MCM3AP: variants seen among roughly 807,000 people sequenced by gnomAD.
The protein encoded by MCM3AP is germinal-center associated nuclear protein.
MCM3AP carries 126 observed loss-of-function variants against 184.1 expected under a neutral mutation model. The observed-to-expected ratio is 0.68, with a 90% confidence interval of 0.59 to 0.79. MCM3AP has a LOEUF of 0.79. Among genes scored for constraint, MCM3AP ranks in the 30% least tolerant of loss-of-function variants. The pLI is 0.00. For synonymous variants in MCM3AP, 1,002 were observed against 979.3 expected (o/e 1.02, Z -0.43); for missense variants, 2,496 against 2,479.2 (o/e 1.01, Z -0.14).
At chr21:46,257,702 C>T (rs1012779946) in intron 16 of MCM3AP, among the ~76,000 whole-genome samples, 4 of 151,608 alleles carry the variant, frequency 2.6e-5, no homozygotes, top group East Asian at 1.9e-4. Flanking sequence ...GGGCGGATCA[C>T]GAGGTCAGGA....
chr21:46,272,355 T>C (rs1430846200), intron 8 of MCM3AP, among the ~76,000 whole-genome samples: 1 of 152,190 alleles, frequency 6.6e-6, no homozygotes, highest in Non-Finnish European at 1.5e-5. Flanking sequence ...TCAGATGTGC[T>C]GGTCCCAGGG....
chr21:46,283,504 C>T (rs2081358498), intron 2 of MCM3AP, 111 bp downstream of exon 2: 2 of 677,218 alleles, frequency 3.0e-6, no homozygotes, highest in Non-Finnish European at 2.5e-6. Context: ...TATTTGAGTA[C>T]TTTCTCTATA....
chr21:46,248,606 T>G (rs1482462857), intron 20 of MCM3AP, among the ~76,000 whole-genome samples: 2 of 121,808 alleles, frequency 1.6e-5, no homozygotes, highest in Admixed American at 9.4e-5. Flanking sequence ...TAAACTGGAG[T>G]AACAGAGAGG....
chr21:46,258,909 G>A (rs929512337), intron 16 of MCM3AP, 30 bp downstream of exon 16: 1 of 1,612,606 alleles, frequency 6.2e-7, no homozygotes, highest in Non-Finnish European at 8.5e-7. Flanking sequence ...CCGTGTGTGT[G>A]GATTTTGCCT....
At chr21:46,240,265 G>A (rs1053859409) in intron 26 of MCM3AP, among the ~76,000 whole-genome samples, 78 of 152,168 alleles carry the variant, frequency 5.1e-4, no homozygotes, top group African/African-American at 1.9e-3. Context: ...GAGGATGCTG[G>A]ATGTGGCTGG....
In MCM3AP at chr21:46,285,296, CAATT is replaced by C; in HGVS notation, c.-14_-11del. On this transcript the variant is annotated 5_prime_UTR_variant, in exon 1 of 28. In the 5' UTR this introduces an upstream ATG that the reference lacks. Transcript: ENST00000291688. ...GATTAGTTGGGTTCATCTTCTGCTC[CAATT>C]ATTAGAAGGTAATTAAGTATTATGT... 2 of 1,578,856 alleles carry C rather than the reference CAATT, an allele frequency of 1.3e-6. No homozygotes were observed. The highest frequency in any genetic ancestry group is 1.7e-6 in the Non-Finnish European group (2 of 1,149,872).
chr21:46,256,647 G>T, intron 17 of MCM3AP, 142 bp downstream of exon 17: 1 of 1,036,350 alleles, frequency 9.6e-7, no homozygotes, highest in Non-Finnish European at 1.4e-6. Context: ...CCCTGTGCCT[G>T]TCCTCGCCTC....
At chr21:46,278,830 T>C (rs374484878) in intron 4 of MCM3AP, among the ~76,000 whole-genome samples, 30 of 151,936 alleles carry the variant, frequency 2.0e-4, no homozygotes, top group Admixed American at 8.5e-4. Flanking sequence ...CCTGCCACCA[T>C]GCCCGGCTAA....
chr21:46,252,896 A>G (rs1460760481), intron 19 of MCM3AP: 1 of 152,142 alleles, frequency 6.6e-6, no homozygotes, highest in Non-Finnish European at 1.5e-5. Flanking sequence ...TAATCCCAAA[A>G]CTTTGGTAGA....
chr21:46,265,187 A>G (rs1343062313), intron 12 of MCM3AP, 134 bp downstream of exon 12: 6 of 728,590 alleles, frequency 8.2e-6, no homozygotes, highest in Non-Finnish European at 1.4e-5. Context: ...AGGCTGAGTG[A>G]CTCTAGGCAG....
At position 46,285,004 on chromosome 21, in the gene MCM3AP, C is replaced by A; in HGVS notation, c.283G>T (p.Ala95Ser). The change falls in exon 1 of 28, where the codon GCT (alanine) becomes TCT (serine). Residue 95 changes from alanine (A) to serine (S), a missense_variant. Around this residue, in one of 5 missense-constraint regions of MCM3AP, gnomAD observed 800 missense variants for 717.1 expected, o/e 1.12. Transcript: ENST00000291688. ...GATGAACTTGAAGGCCCAGAGGTAGCCACAAAGGTGGAAGTGTGCTCAAGT... is the reference window on the plus strand; with the variant it reads ...GATGAACTTGAAGGCCCAGAGGTAGACACAAAGGTGGAAGTGTGCTCAAGT... Reference protein sequence around the residue: ...SGLEHTSTFVATSGPSSSSVL... With the variant: ...SGLEHTSTFVSTSGPSSSSVL... The A allele has an allele frequency of 1.2e-6, 2 of 1,614,152 alleles. No homozygotes were observed. The highest frequency in any genetic ancestry group is 1.7e-6 in the Non-Finnish European group (2 of 1,180,016).
chr21:46,265,031 C>A (rs1219986121), intron 12 of MCM3AP, among the ~76,000 whole-genome samples: 1 of 152,264 alleles, frequency 6.6e-6, no homozygotes, highest in Non-Finnish European at 1.5e-5. Flanking sequence ...TCACACCCAT[C>A]AGGGGGCGCA....
chr21:46,273,392 C>T lies in MCM3AP; in HGVS notation c.2192G>A (p.Arg731Gln). The T allele has an allele frequency of 6.2e-7, 1 of 1,613,872 alleles. No individual in the cohort carries two copies. The highest frequency in any genetic ancestry group is 8.5e-7 in the Non-Finnish European group (1 of 1,179,798). The change falls in exon 7 of 28, where the codon CGG becomes CAG. Residue 731 changes from arginine to glutamine, a missense_variant. By Grantham distance (43) the Arg-to-Gln change is conservative. Transcript: ENST00000291688. Reference protein sequence around the residue: ...DFVWNRTRGIRKDITQQHLCD... With the variant: ...DFVWNRTRGIQKDITQQHLCD... ...CAGGTTGGAGGCAGCCAATACCTTC[C>T]GTATGCCACGCGTGCGGTTCCACAC...
At chr21:46,247,425 G>A (rs4535149) in intron 20 of MCM3AP, among the ~76,000 whole-genome samples, 68,047 of 147,684 alleles carry the variant, frequency 0.46, 15,605 homozygotes, top group African/African-American at 0.5. Flanking sequence ...TCACTCTGTC[G>A]CCCAGGCTGG....
At chr21:46,279,932 G>A (rs1023044585) in intron 4 of MCM3AP, 61 bp downstream of exon 4, 19 of 1,515,502 alleles carry the variant, frequency 1.3e-5, no homozygotes, top group South Asian at 1.2e-5. Context: ...CTCAGGTGTC[G>A]CTATAGGGCG....
intron 13 of MCM3AP, among the ~76,000 whole-genome samples, chr21:46,263,266 GT>G (rs1256900891): frequency 6.6e-6 from 1 of 151,134 alleles, no homozygotes; most frequent in East Asian, 2.0e-4. Flanking sequence ...GGAGGTGGGG[GT>G]TGCAGTGAGC....
In MCM3AP at chr21:46,235,433, G is replaced by A. The variant is rs2080503534; in HGVS notation, c.5785-7C>T. On this transcript the variant is annotated splice_region_variant and splice_polypyrimidine_tract_variant and intron_variant, in intron 27 of 27. Transcript: ENST00000291688. ...GCTCCCTCATCATGTCACTCTATTT[G>A]AATAAAAAAGAAACTGAACAGTTTT... The A allele has an allele frequency of 6.2e-7, 1 of 1,612,996 alleles. No individual in the cohort carries two copies. Among genetic ancestry groups the A allele is most frequent in the African/African-American group, 1.3e-5 (1 of 74,798 alleles).
chr21:46,266,028 A>G lies in MCM3AP; in HGVS notation c.2928T>C (p.Arg976=). The change falls in exon 11 of 28, where the codon CGT becomes CGC. Residue 976 remains arginine (R), a synonymous_variant. Coordinates refer to ENST00000291688, the MANE Select transcript of MCM3AP (RefSeq NM_003906.5). ...AGTTGAAGCTGCACACAGGGGTATG[A>G]CGAGGGACGGGGGGCAATGGCCCTC... ...VNGGPLPPVP[R]HTPVCSFNSQ... is the part of the protein sequence containing the mutation. The G allele has an allele frequency of 6.2e-7, 1 of 1,612,186 alleles. No homozygotes were observed. Among genetic ancestry groups the G allele is most frequent in the South Asian group, 1.1e-5 (1 of 90,240 alleles).
chr21:46,236,970 A>G lies in MCM3AP; in HGVS notation c.5643T>C (p.Asp1881=), dbSNP rs2080541491. 2.0e-6 allele frequency: 3 copies of G among 1,530,576 alleles called. No homozygotes were observed. The East Asian group carries it at 7.4e-5, about 38-fold the overall frequency. The allele number at this position is 1,530,576 out of a possible 1,614,324, so 94.8% of individuals were successfully genotyped here. The change falls in exon 27 of 28, where the codon GAT becomes GAC. Residue 1881 remains aspartate (D), a synonymous_variant. Transcript: ENST00000291688. The part of the protein sequence containing the change: ...LEKEENKRFE[D]QLQQWLSEDS... ...CTTCAGACAACCATTGCTGAAGCTG[A>G]TCTTCAAACCTGAAACAATATGTAA...
Sources: allele counts gnomAD v4.1 joint callset (sites outside exome capture counted in the v4.1 genomes callset), GRCh38; gene constraint gnomAD v4.1.1; regional missense constraint gnomAD v4.1.1; transcripts MANE v1.5; gene names NCBI Gene and HGNC (gene_info 2026-07-23, HGNC 2026-07-21).